Variants in PCTP observed in about 807,000 individuals in gnomAD.
PCTP encodes phosphatidylcholine transfer protein.
PCTP carries 27 observed loss-of-function variants against 31.0 expected under a neutral mutation model. The observed-to-expected ratio is 0.87, with a 90% CI of 0.64 to 1.20. PCTP has a LOEUF of 1.20. Ranked by LOEUF, PCTP falls within the 50% of genes most tolerant of loss-of-function variation. The pLI is 0.00. For synonymous variants in PCTP, 108 were observed against 101.2 expected (o/e 1.07, Z -0.40); for missense variants, 287 against 268.2 (o/e 1.07, Z -0.49).
At chr17:55,839,070 C>T (rs550311822) in intron 5 of PCTP, among the ~76,000 whole-genome samples, 52 of 152,164 alleles carry the variant, frequency 3.4e-4, no homozygotes, top group South Asian at 6.2e-4. Context: ...CATAGGAGAG[C>T]GCAGATAGAA....
intron 3 of PCTP, among the ~76,000 whole-genome samples, chr17:55,800,328 T>A (rs1293048864): frequency 6.6e-6 from 1 of 151,902 alleles, no homozygotes; most frequent in Non-Finnish European, 1.5e-5. Flanking sequence ...TAAGCTGATC[T>A]TCAATCTCTG....
chr17:55,798,534 T>C (rs777438998), intron 3 of PCTP, among the ~76,000 whole-genome samples: 7 of 151,970 alleles, frequency 4.6e-5, no homozygotes, highest in South Asian at 2.1e-4. Flanking sequence ...AAGTTACAGC[T>C]AACTTATAAG....
At chr17:55,755,939 G>A (rs1909993957) in intron 1 of PCTP, among the ~76,000 whole-genome samples, 1 of 152,188 alleles carries the variant, frequency 6.6e-6, no homozygotes, top group African/African-American at 2.4e-5. Flanking sequence ...AGTCTACTAT[G>A]ATAAACTCAG....
chr17:55,755,409 A>G (rs1328207968), intron 1 of PCTP, among the ~76,000 whole-genome samples: 1 of 152,260 alleles, frequency 6.6e-6, no homozygotes, highest in Non-Finnish European at 1.5e-5. Context: ...TGATGCTGTA[A>G]CAAAGTTACT....
chr17:55,820,129 C>T (rs1044688381), intron 3 of PCTP, among the ~76,000 whole-genome samples: 16 of 152,092 alleles, frequency 1.1e-4, no homozygotes, highest in African/African-American at 3.4e-4. Context: ...AGATCTAGCA[C>T]CAAAAGCATA....
intron 3 of PCTP, among the ~76,000 whole-genome samples, chr17:55,791,149 T>C (rs1445469185): frequency 6.6e-6 from 1 of 151,772 alleles, no homozygotes; most frequent in East Asian, 1.9e-4. Flanking sequence ...TATACAAAAA[T>C]CAATTCAAGA....
downstream of PCTP, among the ~76,000 whole-genome samples, chr17:55,845,754 C>A (rs948267640): frequency 6.6e-6 from 1 of 151,884 alleles, no homozygotes; most frequent in African/African-American, 2.4e-5. Flanking sequence ...GAGGGCCGAG[C>A]CCCCCCGTGA....
intron 3 of PCTP, among the ~76,000 whole-genome samples, chr17:55,791,911 G>A (rs866918481): frequency 3.2e-4 from 49 of 152,030 alleles, no homozygotes; most frequent in African/African-American, 1.1e-3. Context: ...CAACCCAAAT[G>A]TCCAACAGTG....
intron 3 of PCTP, among the ~76,000 whole-genome samples, chr17:55,819,028 A>G (rs998005099): frequency 8.6e-5 from 13 of 151,002 alleles, no homozygotes; most frequent in Admixed American, 2.6e-4. Flanking sequence ...AAAAAAAAAA[A>G]AAAAAAAAAG....
At chr17:55,775,103 A>G (rs903380048) in intron 5 of PCTP, among the ~76,000 whole-genome samples, 3 of 152,224 alleles carry the variant, frequency 2.0e-5, no homozygotes, top group Admixed American at 6.5e-5. Flanking sequence ...CTTGTGCCCC[A>G]GGACCCCGCC....
the PCTP span, among the ~76,000 whole-genome samples, chr17:55,849,086 C>A: frequency 6.6e-6 from 1 of 151,766 alleles, no homozygotes; most frequent in South Asian, 2.1e-4. Context: ...CTAGATATTG[C>A]AACAAGCAGA....
intron 3 of PCTP, among the ~76,000 whole-genome samples, chr17:55,817,205 C>A (rs1046691348): frequency 7.2e-5 from 11 of 152,180 alleles, no homozygotes; most frequent in Non-Finnish European, 1.6e-4. Flanking sequence ...TGTGCCAGGG[C>A]TTGGAGGGAA....
intron 3 of PCTP, among the ~76,000 whole-genome samples, chr17:55,806,766 G>A (rs1470840024): frequency 6.6e-6 from 1 of 152,188 alleles, no homozygotes; most frequent in East Asian, 1.9e-4. Flanking sequence ...TACAGTGTTT[G>A]TGTTTGTGTA....
chr17:55,837,821 A>T (rs1182292304), intron 5 of PCTP, among the ~76,000 whole-genome samples: 1 of 152,032 alleles, frequency 6.6e-6, no homozygotes, highest in African/African-American at 2.4e-5. Flanking sequence ...TGCCAGTCTG[A>T]TCTTTGCACC....
In PCTP at chr17:55,773,119, G is replaced by A. The variant is rs945234227; in HGVS notation, c.340-605G>A. Among the ~76,000 whole-genome samples the A allele has an allele frequency of 4.2e-4, 64 of 152,202 alleles. 1 individual carries two copies. The highest frequency in any genetic ancestry group is 1.5e-3 in the African/African-American group (62 of 41,452). On this transcript the variant is annotated intron_variant, in intron 3 of 5. Transcript: ENST00000268896. ...TGTTATTCTTGGTAAACTAGTGTTAGCCCAGAGAGGACATCTGCCTACGAA... is the reference window on the plus strand; with the variant it reads ...TGTTATTCTTGGTAAACTAGTGTTAACCCAGAGAGGACATCTGCCTACGAA...
rs372598226 is a variant in PCTP at position 55,775,994 on chromosome 17, A to G, written c.580-41A>G. On this transcript the variant is annotated intron_variant, in intron 5 of 5. Coordinates refer to ENST00000268896, the MANE Select transcript of PCTP (RefSeq NM_021213.4). ...ACATCCCAAAGAATCAAGAGTGACC[A>G]CTGTGAAGACATAGAAATGACAGTC... 1.6e-5 allele frequency: 25 copies of G among 1,611,414 alleles called. No individual in the cohort carries two copies. The African/African-American group carries it at 3.1e-4, about 20-fold the overall frequency.
chr17:55,819,958 C>T lies in PCTP; in HGVS notation c.318-2803C>T, dbSNP rs142386208. ...TTTCAACAAATGGTACTGAGACAAC[C>T]GGATATCCATATGCAAAAGAATGAA... is the stretch of plus-strand genomic sequence containing the variant. On this transcript the variant is annotated intron_variant, in intron 3 of 3. Coordinates refer to the PCTP transcript ENST00000572536. Among the ~76,000 whole-genome samples, 804 of 152,006 alleles carry T rather than the reference C, an allele frequency of 5.3e-3. 8 individuals carry two copies. Among genetic ancestry groups the T allele is most frequent in the African/African-American group, 0.018 (742 of 41,444 alleles).
chr17:55,821,694 T>C (rs978516183), intron 3 of PCTP, among the ~76,000 whole-genome samples: 6 of 152,116 alleles, frequency 3.9e-5, no homozygotes, highest in Non-Finnish European at 7.4e-5. Flanking sequence ...AGTTCAGAGA[T>C]AAGGAAATTG....
chr17:55,777,433 G>A (rs1277268383), downstream of PCTP: 41 of 953,130 alleles, frequency 4.3e-5, no homozygotes, highest in Admixed American at 1.4e-3. Flanking sequence ...GCATCAGTTA[G>A]ATCTCCTTTA....
Sources: gnomAD v4.1 joint callset for allele counts (sites outside exome capture counted in the v4.1 genomes callset) on GRCh38, gnomAD v4.1.1 for gene constraint, MANE v1.5 for transcripts, NCBI Gene and HGNC (gene_info 2026-07-23, HGNC 2026-07-21) for gene names.